SPIDR: variants seen among roughly 807,000 people sequenced by gnomAD.
SPIDR encodes DNA repair-scaffolding protein.
SPIDR carries 93 observed loss-of-function variants against 104.6 expected under a neutral mutation model. The observed-to-expected ratio is 0.89, with a 90% CI of 0.75 to 1.06. The LOEUF (loss-of-function observed/expected upper bound fraction) is 1.06, where lower values mean the gene tolerates loss of function less well. SPIDR is among the 50% of genes least tolerant of loss of function. SPIDR has a pLI of 0.00. For missense variants in SPIDR, 1,154 were observed against 1,111.2 expected (o/e 1.04, Z -0.55); for synonymous variants, 431 against 416.9 (o/e 1.03, Z -0.41).
intron 8 of SPIDR, among the ~76,000 whole-genome samples, chr8:47,537,809 C>T (rs1427762955): frequency 6.6e-6 from 1 of 152,154 alleles, no homozygotes; most frequent in Non-Finnish European, 1.5e-5. Flanking sequence ...TATATGGGAA[C>T]TCTCAGTATT....
intron 7 of SPIDR, among the ~76,000 whole-genome samples, chr8:47,418,365 A>T (rs1232482637): frequency 6.6e-6 from 1 of 151,984 alleles, no homozygotes; most frequent in African/African-American, 2.4e-5. Context: ...ATTCCTAGGT[A>T]TTTTATTCTC....
chr8:47,362,923 G>A (rs1449477495), intron 5 of SPIDR, among the ~76,000 whole-genome samples: 3 of 152,176 alleles, frequency 2.0e-5, no homozygotes, highest in Admixed American at 2.0e-4. Context: ...AAAGTGCTGG[G>A]ATTACAGGCG....
intron 6 of SPIDR, among the ~76,000 whole-genome samples, chr8:47,399,266 G>A (rs1418794197): frequency 1.3e-5 from 2 of 152,166 alleles, no homozygotes; most frequent in Non-Finnish European, 2.9e-5. Context: ...ACAAATGGGG[G>A]TGACCTTGTC....
intron 8 of SPIDR, among the ~76,000 whole-genome samples, chr8:47,462,913 T>C (rs2074180050): frequency 6.6e-6 from 1 of 152,126 alleles, no homozygotes; most frequent in African/African-American, 2.4e-5. Flanking sequence ...AAGGATTATA[T>C]GAGAATCCTA....
At chr8:47,714,827 C>T (rs879606299) in intron 16 of SPIDR, among the ~76,000 whole-genome samples, 1 of 152,166 alleles carries the variant, frequency 6.6e-6, no homozygotes, top group Non-Finnish European at 1.5e-5. Context: ...CAGGATCTCT[C>T]GTGTTTTTGC....
intron 8 of SPIDR, among the ~76,000 whole-genome samples, chr8:47,567,780 C>CTTTTTTTTTTTTTTTTTTTTTTTTTT (rs35199139): frequency 1.4e-5 from 1 of 71,004 alleles, no homozygotes; most frequent in Non-Finnish European, 2.5e-5. Flanking sequence ...TTTTCTTTTT[C>CTTTTTTTTTTTTTTTTTTTTTTTTTT]TTTTTTTTTT....
chr8:47,582,701 T>G (rs1393057210), intron 8 of SPIDR, among the ~76,000 whole-genome samples: 3 of 152,030 alleles, frequency 2.0e-5, no homozygotes, highest in Admixed American at 6.6e-5. Context: ...ATTCTCTATT[T>G]TTTAAAAAAA....
At chr8:47,535,225 C>T (rs1399743162) in intron 8 of SPIDR, among the ~76,000 whole-genome samples, 1 of 152,146 alleles carries the variant, frequency 6.6e-6, no homozygotes, top group Non-Finnish European at 1.5e-5. Context: ...TACCTATTTT[C>T]TGCAATCTCA....
intron 11 of SPIDR, among the ~76,000 whole-genome samples, chr8:47,690,072 A>G (rs891714784): frequency 6.6e-6 from 1 of 152,084 alleles, no homozygotes; most frequent in Non-Finnish European, 1.5e-5. Context: ...AAAAACTTAC[A>G]CGTGTCTATA....
chr8:47,446,644 T>G (rs1300731247), intron 8 of SPIDR, among the ~76,000 whole-genome samples: 1 of 150,446 alleles, frequency 6.6e-6, no homozygotes, highest in Non-Finnish European at 1.5e-5. Flanking sequence ...TGGAGTGCAG[T>G]GGTGCAATCT....
intron 10 of SPIDR, among the ~76,000 whole-genome samples, chr8:47,656,392 C>T (rs2072819141): frequency 6.6e-6 from 1 of 152,078 alleles, no homozygotes; most frequent in South Asian, 2.1e-4. Flanking sequence ...TGCAAATGGA[C>T]AGTAAGCACA....
chr8:47,340,528 G>A (rs1241777717), intron 5 of SPIDR, among the ~76,000 whole-genome samples: 6 of 152,190 alleles, frequency 3.9e-5, no homozygotes, highest in Non-Finnish European at 8.8e-5. Context: ...CTTGAACCCA[G>A]GAGGCGAAGG....
intron 7 of SPIDR, among the ~76,000 whole-genome samples, chr8:47,417,592 T>C (rs1224801936): frequency 1.3e-5 from 2 of 152,230 alleles, no homozygotes; most frequent in Non-Finnish European, 2.9e-5. Flanking sequence ...ACTCTGATGG[T>C]AGTTTCTTTT....
intron 6 of SPIDR, among the ~76,000 whole-genome samples, chr8:47,399,800 A>G (rs2154315299): frequency 6.6e-6 from 1 of 152,316 alleles, no homozygotes; most frequent in African/African-American, 2.4e-5. Flanking sequence ...CAGGATGTGG[A>G]GCATGGTGAG....
At chr8:47,428,915 C>T (rs1273517729) in intron 7 of SPIDR, among the ~76,000 whole-genome samples, 1 of 152,202 alleles carries the variant, frequency 6.6e-6, no homozygotes, top group Non-Finnish European at 1.5e-5. Flanking sequence ...ACCAATAAAA[C>T]CACAAAGCCA....
At chr8:47,304,407 C>T (rs2154250351) in intron 5 of SPIDR, among the ~76,000 whole-genome samples, 1 of 152,216 alleles carries the variant, frequency 6.6e-6, no homozygotes, top group South Asian at 2.1e-4. Context: ...TGTCTCCTGC[C>T]TGTAACCCCA....
intron 8 of SPIDR, among the ~76,000 whole-genome samples, chr8:47,545,335 C>G (rs1011091986): frequency 4.6e-5 from 7 of 151,810 alleles, no homozygotes; most frequent in African/African-American, 1.7e-4. Context: ...TCCCAAAGTG[C>G]TAGGATTACA....
At chr8:47,568,570 T>C (rs947472148) in intron 8 of SPIDR, among the ~76,000 whole-genome samples, 2 of 152,176 alleles carry the variant, frequency 1.3e-5, no homozygotes, top group Admixed American at 6.5e-5. Context: ...GCTTTCACAT[T>C]GTAGCAGCTA....
At chr8:47,607,389 C>G (rs1231232980) in intron 10 of SPIDR, among the ~76,000 whole-genome samples, 1 of 152,050 alleles carries the variant, frequency 6.6e-6, no homozygotes, top group African/African-American at 2.4e-5. Flanking sequence ...TGTTTCCTCT[C>G]TAAAACAGTT....
Sources: gnomAD v4.1 joint callset for allele counts (sites outside exome capture counted in the v4.1 genomes callset) on GRCh38, gnomAD v4.1.1 for gene constraint, MANE v1.5 for transcripts, NCBI Gene and HGNC (gene_info 2026-07-23, HGNC 2026-07-21) for gene names.